The following CACNB2 variants were observed in gnomAD, a reference collection of about 807,000 sequenced individuals.
The protein encoded by CACNB2 is voltage-dependent L-type calcium channel subunit beta-2.
In CACNB2, 42 loss-of-function variants were observed where a neutral mutation model predicts 73.3. The ratio of observed to expected loss-of-function variants is 0.57; its 90% CI spans 0.45 to 0.74. The LOEUF is 0.74. Ranked by LOEUF, CACNB2 falls within the 30% of genes least tolerant of loss-of-function variation. The probability of loss-of-function intolerance (pLI) is 0.00; values close to 1 mark genes in which losing one functional copy is unlikely to be tolerated. For synonymous variants in CACNB2, 348 were observed against 310.3 expected (o/e 1.12, Z -1.28); for missense variants, 940 against 853.0 (o/e 1.10, Z -1.27).
chr10:18,382,453 C>T (rs1439653640), intron 2 of CACNB2, among the ~76,000 whole-genome samples: 1 of 151,972 alleles, frequency 6.6e-6, no homozygotes, highest in African/African-American at 2.4e-5. Context: ...AAATGTGTGC[C>T]ATGGTGGTTT....
intron 2 of CACNB2, among the ~76,000 whole-genome samples, chr10:18,244,438 C>T (rs79161397): frequency 0.075 from 11,486 of 152,232 alleles, 465 homozygotes; most frequent in Non-Finnish European, 0.099. Flanking sequence ...CTTTTCCTAA[C>T]GTGCAAAACA....
In CACNB2 at chr10:18,522,989, CTT is replaced by C. The variant is rs2133197225; in HGVS notation, c.944+4023_944+4024del. ...TTATAAGTTTCAAGGTATGAAAAGA[CTT>C]TATAATCAAGGTCTTCTAACCAAAT... On this transcript the variant is annotated intron_variant, in intron 9 of 13. Transcript: ENST00000324631. 1.3e-5 allele frequency among the ~76,000 whole-genome samples: 2 copies of C among 148,996 alleles called. 1 individual carries two copies. The highest frequency in any genetic ancestry group is 4.0e-4 in the East Asian group (2 of 5,024).
intron 2 of CACNB2, among the ~76,000 whole-genome samples, chr10:18,192,526 C>A (rs746097163): frequency 1.4e-4 from 22 of 151,994 alleles, no homozygotes; most frequent in Non-Finnish European, 2.5e-4. Flanking sequence ...TTAAAGTGGA[C>A]AATTCAGTGG....
intron 3 of CACNB2, among the ~76,000 whole-genome samples, chr10:18,434,820 C>T (rs1363462566): frequency 6.6e-6 from 1 of 152,184 alleles, no homozygotes; most frequent in Non-Finnish European, 1.5e-5. Context: ...GAAGCAGGCA[C>T]TCCCCTAGCT....
At chr10:18,496,050 A>T (rs2049791666) in intron 3 of CACNB2, among the ~76,000 whole-genome samples, 1 of 151,888 alleles carries the variant, frequency 6.6e-6, no homozygotes. Context: ...GCCAGGCATG[A>T]TGGCGGGTGC....
At chr10:18,500,620 T>C (rs2133035297) in intron 4 of CACNB2, among the ~76,000 whole-genome samples, 192 bp from the exon 5 acceptor site, 1 of 152,266 alleles carries the variant, frequency 6.6e-6, no homozygotes, top group Admixed American at 6.5e-5. Context: ...CGCAGAGCCT[T>C]TGATAGATTG....
At chr10:18,523,666 TG>T (rs2052152713) in intron 9 of CACNB2, among the ~76,000 whole-genome samples, 1 of 152,172 alleles carries the variant, frequency 6.6e-6, no homozygotes, top group African/African-American at 2.4e-5. Flanking sequence ...TTTTTACCCA[TG>T]GCAAGACATC....
At chr10:18,212,571 C>T (rs890907563) in intron 2 of CACNB2, among the ~76,000 whole-genome samples, 2 of 151,836 alleles carry the variant, frequency 1.3e-5, no homozygotes, top group Non-Finnish European at 2.9e-5. Context: ...AAGAAATATT[C>T]TTTTATATTT....
chr10:18,334,693 TC>T (rs1451363205), intron 2 of CACNB2, among the ~76,000 whole-genome samples: 1 of 151,868 alleles, frequency 6.6e-6, no homozygotes, highest in African/African-American at 2.4e-5. Context: ...TCCTCACCCC[TC>T]CCCATCGTGG....
chr10:18,237,960 C>A (rs1273929925), intron 2 of CACNB2, among the ~76,000 whole-genome samples: 1 of 152,180 alleles, frequency 6.6e-6, no homozygotes, highest in Non-Finnish European at 1.5e-5. Flanking sequence ...TAAAGGCTCC[C>A]ATAGCCTCAC....
At chr10:18,393,697 A>G (rs1280663743) in intron 2 of CACNB2, among the ~76,000 whole-genome samples, 1 of 152,162 alleles carries the variant, frequency 6.6e-6, no homozygotes, top group Non-Finnish European at 1.5e-5. Flanking sequence ...CCAAAGTTCT[A>G]TTCATTTTCA....
intron 2 of CACNB2, among the ~76,000 whole-genome samples, chr10:18,164,779 A>T (rs901209243): frequency 6.6e-6 from 1 of 152,114 alleles, no homozygotes; most frequent in South Asian, 2.1e-4. Context: ...GGAGGTGTCT[A>T]CATTTTATTA....
In CACNB2 at chr10:18,140,680, G is replaced by C. The variant is rs1236276608; in HGVS notation, c.-57G>C. Reference sequence around the variant, plus strand: ...CAGAGCGCGGGGAGGCGGGGGCGAGGAGGAGGGGACCCGCCGCCGGGGGCT... The same window carrying C: ...CAGAGCGCGGGGAGGCGGGGGCGAGCAGGAGGGGACCCGCCGCCGGGGGCT... On this transcript the variant is annotated 5_prime_UTR_variant, in exon 1 of 14. Coordinates refer to ENST00000324631, the MANE Select transcript of CACNB2 (RefSeq NM_201596.3). 29 of 1,472,910 alleles carry C rather than the reference G, an allele frequency of 2.0e-5. No homozygotes were observed. In the African/African-American group the frequency reaches 3.6e-4, roughly 18 times the overall value. The allele number at this position is 1,472,910 out of a possible 1,614,324, so 91.2% of individuals were successfully genotyped here.
intron 2 of CACNB2, among the ~76,000 whole-genome samples, chr10:18,362,747 T>C (rs992526919): frequency 6.6e-6 from 1 of 152,078 alleles, no homozygotes; most frequent in African/African-American, 2.4e-5. Context: ...TGAAAACCCG[T>C]CTCTACCAAA....
rs1009168098 is a variant in CACNB2 at position 18,238,008 on chromosome 10, A to C, written c.213+87033A>C. 3.9e-5 allele frequency among the ~76,000 whole-genome samples: 6 copies of C among 152,306 alleles called. No individual in the cohort carries two copies. In the East Asian group the frequency reaches 5.8e-4, roughly 15 times the overall value. On this transcript the variant is annotated intron_variant, in intron 2 of 13. Transcript: ENST00000324631. ...CCACTCTCTCTCTGTAGCGTGGAGC[A>C]TATCCTAGTTTGGACCTCATGTTGT...
intron 2 of CACNB2, among the ~76,000 whole-genome samples, chr10:18,375,445 A>G (rs1179280788): frequency 6.6e-6 from 1 of 152,158 alleles, no homozygotes; most frequent in African/African-American, 2.4e-5. Flanking sequence ...GAGCTTTCAG[A>G]CCTATGCATT....
At chr10:18,256,663 G>A (rs903140043) in intron 2 of CACNB2, 18 of 152,212 alleles carry the variant, frequency 1.2e-4, no homozygotes, top group Admixed American at 2.6e-4. Flanking sequence ...TGTTTAGGCC[G>A]GGCATGGTGG....
intron 3 of CACNB2, among the ~76,000 whole-genome samples, chr10:18,495,313 G>A (rs761223203): frequency 1.5e-4 from 23 of 150,594 alleles, no homozygotes; most frequent in African/African-American, 2.4e-4. Context: ...TCTGCCTCCC[G>A]GGTTCAAGTG....
intron 2 of CACNB2, among the ~76,000 whole-genome samples, chr10:18,255,084 A>G (rs981856218): frequency 3.9e-5 from 6 of 152,130 alleles, no homozygotes; most frequent in Non-Finnish European, 1.5e-5. Context: ...ATCTGTCTTC[A>G]ACTGTCCTGC....
Sources: gnomAD v4.1 joint callset for allele counts (sites outside exome capture counted in the v4.1 genomes callset) on GRCh38, gnomAD v4.1.1 for gene constraint, MANE v1.5 for transcripts, NCBI Gene and HGNC (gene_info 2026-07-23, HGNC 2026-07-21) for gene names.